The following CFAP91 variants were observed in gnomAD, a reference collection of about 807,000 sequenced individuals.
The protein encoded by CFAP91 is cilia and flagella associated protein 91, also known as cilia- and flagella-associated protein 91.
A neutral mutation model predicts 95.9 loss-of-function variants in CFAP91; 85 were observed. The ratio of observed to expected loss-of-function variants is 0.89; its 90% CI spans 0.74 to 1.06. The LOEUF (loss-of-function observed/expected upper bound fraction) is 1.06. Ranked by LOEUF, CFAP91 falls within the 50% of genes least tolerant of loss-of-function variation. CFAP91 has a pLI of 0.00. For synonymous variants in CFAP91, 335 were observed against 327.5 expected (o/e 1.02, Z -0.25); for missense variants, 962 against 943.4 (o/e 1.02, Z -0.26).
intron 17 of CFAP91, among the ~76,000 whole-genome samples, chr3:119,764,514 A>G (rs1268631706): frequency 6.6e-6 from 1 of 152,098 alleles, no homozygotes; most frequent in Non-Finnish European, 1.5e-5. Context: ...ATTATTGTAC[A>G]TGTCTGACTA....
chr3:119,741,873 T>A (rs2054126910), intron 13 of CFAP91, among the ~76,000 whole-genome samples: 1 of 152,034 alleles, frequency 6.6e-6, no homozygotes, highest in African/African-American at 2.4e-5. Context: ...TGGGGAACTT[T>A]TGGGGGGTGA....
At position 119,747,889 on chromosome 3, in the gene CFAP91, T is replaced by C; in HGVS notation, c.2130T>C (p.Phe710=). ...TGATCCCAGAGGTGCAAAAATACTT[T>C]GTCAAAGAAAAAGGTAAGCCAATGT... ...SFLIPEVQKY[F]VKEKVRNAQR... The change falls in exon 16 of 18, where the codon TTT becomes TTC. Residue 710 remains phenylalanine (F), a synonymous_variant. Transcript: ENST00000273390. 1 of 1,612,338 alleles carries C rather than the reference T, an allele frequency of 6.2e-7. No individual in the cohort carries two copies. Among genetic ancestry groups the C allele is most frequent in the East Asian group, 2.2e-5 (1 of 44,792 alleles).
At chr3:119,709,437 C>T (rs2107855538) in intron 4 of CFAP91, among the ~76,000 whole-genome samples, 1 of 152,280 alleles carries the variant, frequency 6.6e-6, no homozygotes, top group African/African-American at 2.4e-5. Context: ...GGGGAGGCTT[C>T]ATATTAAATC....
Position 119,747,116 on chromosome 3 carries a change from T to G in CFAP91, c.1904T>G (p.Val635Gly). The G allele has an allele frequency of 6.4e-7, 1 of 1,558,122 alleles. No individual in the cohort carries two copies. Among genetic ancestry groups the G allele is most frequent in the Non-Finnish European group, 8.7e-7 (1 of 1,152,978 alleles). The stretch of plus-strand genomic sequence containing the variant: ...TGAGGGTATTATTGTTTTTTGCAGG[T>G]GGTTAAAGTTCACCATAGTACTATA... ...LREEDEIFKEVVKVHHSTISS... is the reference protein window; with the variant it reads ...LREEDEIFKEGVKVHHSTISS... The change falls in exon 15 of 18, where the codon GTG becomes GGG. Residue 635 changes from valine to glycine, a missense_variant and splice_region_variant. Coordinates refer to ENST00000273390, the MANE Select transcript of CFAP91 (RefSeq NM_033364.4).
At chr3:119,736,549 C>T (rs1240627535) in intron 10 of CFAP91, among the ~76,000 whole-genome samples, 1 of 151,858 alleles carries the variant, frequency 6.6e-6, no homozygotes, top group African/African-American at 2.4e-5. Context: ...GTGCTGGGAT[C>T]GCAGGCGTGA....
At position 119,750,923 on chromosome 3, in the gene CFAP91, T is replaced by G; in HGVS notation, c.2144-14T>G. The G allele has an allele frequency of 6.2e-7, 1 of 1,613,692 alleles. No homozygotes were observed. ...GACTTTCAGAATGAAAATTTTTCTA[T>G]TACTTTGGCACAGTGAGGAACGCAC... On this transcript the variant is annotated splice_polypyrimidine_tract_variant and intron_variant, in intron 16 of 17. Coordinates refer to ENST00000273390, the MANE Select transcript of CFAP91 (RefSeq NM_033364.4).
chr3:119,713,560 C>T (rs1169763028), intron 5 of CFAP91, among the ~76,000 whole-genome samples: 1 of 151,540 alleles, frequency 6.6e-6, no homozygotes, highest in Admixed American at 6.6e-5. Flanking sequence ...TTAATCAATG[C>T]TTTCACCAAC....
chr3:119,747,005 T>A, intron 14 of CFAP91, 110 bp from the exon 15 acceptor site: 1 of 811,560 alleles, frequency 1.2e-6, no homozygotes, highest in Non-Finnish European at 1.9e-6. Flanking sequence ...ACTGTTGACT[T>A]ATTAAATGAA....
At chr3:119,750,886 T>G in intron 16 of CFAP91, 51 bp from the exon 17 acceptor site, 4 of 1,601,450 alleles carry the variant, frequency 2.5e-6, no homozygotes, top group Non-Finnish European at 3.4e-6. Context: ...CATTTGGGAA[T>G]GGTTTTGTTC....
Position 119,750,966 on chromosome 3 carries a change from G to A in CFAP91, c.2173G>A (p.Ala725Thr). 6.2e-7 allele frequency: 1 copy of A among 1,613,936 alleles called. No individual in the cohort carries two copies. Among genetic ancestry groups the A allele is most frequent in the Non-Finnish European group, 8.5e-7 (1 of 1,179,892 alleles). Reference protein sequence around the residue: ...VRNAQRKHILAAHQIIHSYTE... With the variant: ...VRNAQRKHILTAHQIIHSYTE... ...GAACGCACAGCGGAAACATATTCTTGCAGCCCATCAGATCATCCACAGTTA... is the reference window on the plus strand; with the variant it reads ...GAACGCACAGCGGAAACATATTCTTACAGCCCATCAGATCATCCACAGTTA... Residue 725 changes from alanine to threonine, a missense_variant, in exon 17 of 18, where the codon GCA (alanine) becomes ACA (threonine). Ala to Thr is a moderately conservative substitution (Grantham distance 58). Coordinates refer to ENST00000273390, the MANE Select transcript of CFAP91 (RefSeq NM_033364.4).
chr3:119,717,550 G>GGTTTT (rs1553706268), intron 6 of CFAP91, among the ~76,000 whole-genome samples: 6 of 130,188 alleles, frequency 4.6e-5, no homozygotes, highest in Non-Finnish European at 6.5e-5. Context: ...AAATACGTTG[G>GGTTTT]TTTTTTTTTT....
chr3:119,733,399 G>C lies in CFAP91; in HGVS notation c.1237G>C (p.Val413Leu), dbSNP rs1256298382. ...ACTTGAGTCATGTCTCCCAGATTTT[G>C]TGACACAACCCCAAATCAGAGCTCC... is the stretch of plus-strand genomic sequence containing the variant. ...VELESCLPDF[V>L]TQPQIRAPKP... The change falls in exon 10 of 18, where the codon GTG becomes CTG. Residue 413 changes from valine (V) to leucine (L), a missense_variant. Val to Leu is a conservative substitution (Grantham distance 32, BLOSUM62 1). Transcript: ENST00000273390. 1.9e-6 allele frequency: 3 copies of C among 1,613,922 alleles called. No individual in the cohort carries two copies. In the African/African-American group the frequency reaches 4.0e-5, roughly 22 times the overall value.
At chr3:119,757,314 G>T (rs1363837588) in intron 17 of CFAP91, among the ~76,000 whole-genome samples, 1 of 152,056 alleles carries the variant, frequency 6.6e-6, no homozygotes, top group Admixed American at 6.6e-5. Context: ...TCTTTATCAG[G>T]AACTAACAAG....
At chr3:119,727,465 A>G (rs1186621322) in intron 7 of CFAP91, among the ~76,000 whole-genome samples, 3 of 152,238 alleles carry the variant, frequency 2.0e-5, no homozygotes, top group Admixed American at 1.3e-4. Context: ...TGAAAACGTC[A>G]TCTGAGAAAG....
intron 5 of CFAP91, among the ~76,000 whole-genome samples, chr3:119,712,648 T>C (rs183018432): frequency 3.3e-5 from 5 of 152,240 alleles, no homozygotes; most frequent in Admixed American, 3.3e-4. Context: ...TCAATAGCAG[T>C]TACAGTTCAG....
intron 6 of CFAP91, among the ~76,000 whole-genome samples, chr3:119,720,114 C>T (rs949664177): frequency 4.0e-5 from 6 of 150,002 alleles, no homozygotes; most frequent in Admixed American, 1.3e-4. Flanking sequence ...AGGGGCCGGA[C>T]GCGGTGGCTC....
chr3:119,734,644 C>T (rs1238986141), intron 10 of CFAP91, among the ~76,000 whole-genome samples: 2 of 152,168 alleles, frequency 1.3e-5, no homozygotes, highest in East Asian at 3.8e-4. Context: ...GAGCATACAG[C>T]TTATTTTCAA....
intron 10 of CFAP91, among the ~76,000 whole-genome samples, chr3:119,734,463 C>T (rs1297330894): frequency 1.9e-4 from 3 of 15,492 alleles, no homozygotes; most frequent in Non-Finnish European, 7.4e-4. Flanking sequence ...TATTAGGTTA[C>T]GGAAGTTCTC....
At chr3:119,718,560 A>G (rs1212409925) in intron 6 of CFAP91, among the ~76,000 whole-genome samples, 2 of 152,146 alleles carry the variant, frequency 1.3e-5, no homozygotes, top group African/African-American at 4.8e-5. Flanking sequence ...GAAAAATTCC[A>G]CTGAGTACCA....
Sources: allele counts gnomAD v4.1 joint callset (sites outside exome capture counted in the v4.1 genomes callset), GRCh38; gene constraint gnomAD v4.1.1; transcripts MANE v1.5; gene names NCBI Gene and HGNC (gene_info 2026-07-23, HGNC 2026-07-21).